Variants in PCDHGB7 observed in about 807,000 individuals in gnomAD.
PCDHGB7 encodes protocadherin gamma subfamily B, 7, also known as protocadherin gamma-B7.
PCDHGB7 carries 37 observed loss-of-function variants against 61.4 expected under a neutral mutation model. The ratio of observed to expected loss-of-function variants is 0.60; its 90% CI spans 0.46 to 0.79. The LOEUF (loss-of-function observed/expected upper bound fraction) is 0.79, where lower values mean the gene tolerates loss of function less well. Among genes scored for constraint, PCDHGB7 ranks in the 30% least tolerant of loss-of-function variants. The probability of loss-of-function intolerance (pLI) is 0.00; values close to 1 mark genes in which losing one functional copy is unlikely to be tolerated. For missense variants in PCDHGB7, 1,166 were observed against 1,202.5 expected (o/e 0.97, Z 0.45); for synonymous variants, 464 against 503.5 (o/e 0.92, Z 1.05).
intron 1 of PCDHGB7, among the ~76,000 whole-genome samples, chr5:141,433,989 T>C (rs898601470): frequency 6.6e-6 from 1 of 152,248 alleles, no homozygotes; most frequent in Non-Finnish European, 1.5e-5. Context: ...AGAAGAGTTT[T>C]ATATTCTCTA....
intron 2 of PCDHGB7, among the ~76,000 whole-genome samples, chr5:141,496,474 T>A (rs2099769027): frequency 6.6e-6 from 1 of 152,140 alleles, no homozygotes; most frequent in African/African-American, 2.4e-5. Context: ...CTTTCCCCCA[T>A]CCTGCAACCA....
At chr5:141,468,425 T>TA (rs2099167168) in intron 1 of PCDHGB7, 1 of 151,612 alleles carries the variant, frequency 6.6e-6, no homozygotes, top group Non-Finnish European at 1.5e-5. Context: ...GATAGCAAGG[T>TA]AATAGCAAAA....
chr5:141,419,468 C>T lies in PCDHGB7; in HGVS notation c.1609C>T (p.Gln537Ter). The change falls in exon 1 of 4, where the codon CAG becomes TAG. Residue 537 changes from glutamine (Q) to a stop codon, truncating the protein, a stop_gained. Coordinates refer to ENST00000398594, the MANE Select transcript of PCDHGB7 (RefSeq NM_018927.4). LOFTEE classifies it high-confidence loss of function. ...CGAGCTCACGCTGCAGGCCCGCGACCAGGGCTCGCCCGCGCTCAGCGCCAA... is the reference window on the plus strand; with the variant it reads ...CGAGCTCACGCTGCAGGCCCGCGACTAGGGCTCGCCCGCGCTCAGCGCCAA... ...TFELTLQARD[Q>*]GSPALSANVS... is the part of the protein sequence containing the mutation. 6.2e-7 allele frequency: 1 copy of T among 1,612,484 alleles called. No homozygotes were observed. The highest frequency in any genetic ancestry group is 8.5e-7 in the Non-Finnish European group (1 of 1,179,516).
intron 1 of PCDHGB7, among the ~76,000 whole-genome samples, chr5:141,471,887 G>T (rs1215891997): frequency 6.6e-6 from 1 of 152,152 alleles, no homozygotes; most frequent in African/African-American, 2.4e-5. Context: ...CTGAAGCTAG[G>T]AAGATTGACT....
intron 1 of PCDHGB7, among the ~76,000 whole-genome samples, chr5:141,473,611 G>C (rs2099325261): frequency 6.6e-6 from 1 of 152,140 alleles, no homozygotes; most frequent in Non-Finnish European, 1.5e-5. Context: ...GCAAAGCAAA[G>C]GGAGGGAGGA....
chr5:141,427,099 A>G (rs989437547), intron 1 of PCDHGB7: 3 of 457,936 alleles, frequency 6.6e-6, no homozygotes, highest in African/African-American at 6.0e-5. Context: ...GAGGGTGTCA[A>G]TGCGGAGATC....
chr5:141,417,693 A>T lies in PCDHGB7; in HGVS notation c.-167A>T. ...GCAGCCAACAACAGAAAAGAAAACCAGCTCCCACACAGAGGCTCCCGGCTG... is the reference window on the plus strand; with the variant it reads ...GCAGCCAACAACAGAAAAGAAAACCTGCTCCCACACAGAGGCTCCCGGCTG... On this transcript the variant is annotated 5_prime_UTR_variant, in exon 1 of 4. Transcript: ENST00000398594. The T allele has an allele frequency of 9.2e-7, 1 of 1,091,256 alleles. No individual in the cohort carries two copies. Among genetic ancestry groups the T allele is most frequent in the Non-Finnish European group, 1.3e-6 (1 of 791,406 alleles). 67.6% of individuals were successfully genotyped at this position (1,091,256 alleles called of 1,614,324 possible).
At position 141,443,088 on chromosome 5, in the gene PCDHGB7, T is replaced by C. The variant is rs188899890; in HGVS notation, c.2415+22814T>C. On this transcript the variant is annotated intron_variant, in intron 1 of 3. Transcript: ENST00000398594. ...CGTCTTATGACTGAGTGTTCCAGTC[T>C]CCTTCTCAAGCTGAACCTTGCTTTT... is the stretch of plus-strand genomic sequence containing the variant. 2.9e-3 allele frequency among the ~76,000 whole-genome samples: 446 copies of C among 152,092 alleles called. 1 individual carries two copies. Among genetic ancestry groups the C allele is most frequent in the Middle Eastern group, 0.014 (4 of 294 alleles).
intron 1 of PCDHGB7, chr5:141,427,043 G>A: frequency 2.2e-6 from 1 of 457,348 alleles, no homozygotes; most frequent in Non-Finnish European, 4.4e-6. Context: ...GAGAGAATGT[G>A]CCCCCAGGCA....
At chr5:141,442,947 C>T (rs185574624) in intron 1 of PCDHGB7, among the ~76,000 whole-genome samples, 92 of 152,282 alleles carry the variant, frequency 6.0e-4, no homozygotes, top group African/African-American at 1.7e-3. Flanking sequence ...AACTTCCTCT[C>T]ACTGCAAAAA....
In PCDHGB7 at chr5:141,489,210, G is replaced by A; in HGVS notation, c.2416-5597G>A. ...TCTACCTTGGAGACAGGACAGCACAGACTTACTCTCCACAAAGGGACTTCT... is the reference window on the plus strand; with the variant it reads ...TCTACCTTGGAGACAGGACAGCACAAACTTACTCTCCACAAAGGGACTTCT... On this transcript the variant is annotated intron_variant, in intron 1 of 3. Coordinates refer to ENST00000398594, the MANE Select transcript of PCDHGB7 (RefSeq NM_018927.4). The surrounding 1 kb of genome is among the most constrained non-coding windows in gnomAD (Gnocchi z 4.5). 6 of 1,461,860 alleles carry A rather than the reference G, an allele frequency of 4.1e-6. No homozygotes were observed. Among genetic ancestry groups the A allele is most frequent in the Non-Finnish European group, 5.6e-6 (6 of 1,080,904 alleles). 90.6% of individuals were successfully genotyped at this position (1,461,860 alleles called of 1,614,324 possible). A position where few individuals can be genotyped will look rare whatever the true frequency, so the allele number is the denominator to read the frequency against.
Position 141,489,956 on chromosome 5 carries a change from C to CTCCAACCT in PCDHGB7, c.2416-4845_2416-4838dup, listed in dbSNP as rs1176419823. Reference sequence around the variant, plus strand: ...ATCGTGCTGGACATCAATGATAATGCTCCAACCTTCCAATCCTCAGTTCTA... The same window carrying CTCCAACCT: ...ATCGTGCTGGACATCAATGATAATGCTCCAACCTTCCAACCTTCCAATCCTCAGTTCTA... On this transcript the variant is annotated intron_variant, in intron 1 of 3. Coordinates refer to ENST00000398594, the MANE Select transcript of PCDHGB7 (RefSeq NM_018927.4). The surrounding 1 kb of genome is among the most constrained non-coding windows in gnomAD (Gnocchi z 4.5). 16 of 1,614,012 alleles carry CTCCAACCT rather than the reference C, an allele frequency of 9.9e-6. No individual in the cohort carries two copies. The highest frequency in any genetic ancestry group is 1.4e-5 in the Non-Finnish European group (16 of 1,179,974).
rs1434083091 is a variant in PCDHGB7 at position 141,450,833 on chromosome 5, T to TA, written c.2415+30559_2415+30560insA. 6.4e-3 allele frequency among the ~76,000 whole-genome samples: 943 copies of TA among 147,260 alleles called. 6 individuals carry two copies. The highest frequency in any genetic ancestry group is 0.014 in the Middle Eastern group (4 of 276). ...TTATTTAATATTATTATTATTATTT[T>TA]TTTTTTTTTGAGATGGGGTCTTGCT... is the stretch of plus-strand genomic sequence containing the variant. On this transcript the variant is annotated intron_variant, in intron 1 of 3. Coordinates refer to ENST00000398594, the MANE Select transcript of PCDHGB7 (RefSeq NM_018927.4).
Position 141,491,349 on chromosome 5 carries a change from C to G in PCDHGB7, c.2416-3458C>G. 6.2e-7 allele frequency: 1 copy of G among 1,614,168 alleles called. No individual in the cohort carries two copies. Among genetic ancestry groups the G allele is most frequent in the Non-Finnish European group, 8.5e-7 (1 of 1,180,016 alleles). ...TTGTGGCTCTAGCGACCGTCAGTCT[C>G]TTATCCCTAGTCACCTTCACCTTTC... is the stretch of plus-strand genomic sequence containing the variant. On this transcript the variant is annotated intron_variant, in intron 1 of 3. Transcript: ENST00000398594. The surrounding 1 kb of genome is among the most constrained non-coding windows in gnomAD (Gnocchi z 6.9).
In PCDHGB7 at chr5:141,491,424, G is replaced by A. The variant is rs745755214; in HGVS notation, c.2416-3383G>A. The A allele has an allele frequency of 6.2e-7, 1 of 1,614,092 alleles. No individual in the cohort carries two copies. Among genetic ancestry groups the A allele is most frequent in the Non-Finnish European group, 8.5e-7 (1 of 1,180,028 alleles). ...ACGCAGACGGGGACGGGGGTGGAGG[G>A]CAGTGCTGCAGGCGCCAGGACTCAC... On this transcript the variant is annotated intron_variant, in intron 1 of 3. Coordinates refer to ENST00000398594, the MANE Select transcript of PCDHGB7 (RefSeq NM_018927.4). The surrounding 1 kb of genome is among the most constrained non-coding windows in gnomAD (Gnocchi z 6.9).
chr5:141,483,121 T>C (rs922863446), intron 1 of PCDHGB7, among the ~76,000 whole-genome samples: 1 of 152,052 alleles, frequency 6.6e-6, no homozygotes, highest in Admixed American at 6.6e-5. Flanking sequence ...ACAGTCTTTG[T>C]AGGAGATGAG....
At chr5:141,509,334 G>A (rs1184232270) in intron 3 of PCDHGB7, among the ~76,000 whole-genome samples, 1 of 152,186 alleles carries the variant, frequency 6.6e-6, no homozygotes, top group Non-Finnish European at 1.5e-5. Flanking sequence ...ACTGCCAGCT[G>A]GGCCTGGGCT....
intron 1 of PCDHGB7, among the ~76,000 whole-genome samples, chr5:141,457,057 C>T (rs1224573005): frequency 6.6e-6 from 1 of 152,182 alleles, no homozygotes; most frequent in Non-Finnish European, 1.5e-5. Flanking sequence ...TTCATGCTTC[C>T]TTTTTGCCAG....
intron 1 of PCDHGB7, among the ~76,000 whole-genome samples, chr5:141,455,902 TA>T (rs2098836291): frequency 6.7e-6 from 1 of 149,860 alleles, no homozygotes. Context: ...TTTATTTATT[TA>T]TTTATTTATT....
Sources: allele counts gnomAD v4.1 joint callset (sites outside exome capture counted in the v4.1 genomes callset), GRCh38; gene constraint gnomAD v4.1.1; non-coding constraint Gnocchi (gnomAD v3.1); transcripts MANE v1.5; gene names NCBI Gene and HGNC (gene_info 2026-07-23, HGNC 2026-07-21).